TMEM132E: variants seen among roughly 807,000 people sequenced by gnomAD.
The protein encoded by TMEM132E is transmembrane protein 132E.
Under a neutral mutation model 78.5 loss-of-function variants are expected in TMEM132E, and 49 were observed. That is an observed-to-expected ratio of 0.62 (90% CI 0.50 to 0.79). TMEM132E has a LOEUF of 0.79. Ranked by LOEUF, TMEM132E falls within the 30% of genes least tolerant of loss-of-function variation. The pLI is 0.00. For synonymous variants in TMEM132E, 715 were observed against 670.6 expected (o/e 1.07, Z -1.02); for missense variants, 1,403 against 1,470.9 (o/e 0.95, Z 0.75).
chr17:34,586,214 A>G (rs1007869654), intron 1 of TMEM132E, among the ~76,000 whole-genome samples: 13 of 152,062 alleles, frequency 8.5e-5, no homozygotes, highest in African/African-American at 2.9e-4. Flanking sequence ...TTTCCTCCCC[A>G]GGGTCTTCCT....
Position 34,629,679 on chromosome 17 carries a change from C to T in TMEM132E, c.1339-329C>T, listed in dbSNP as rs530301521. Among the ~76,000 whole-genome samples, 13 of 152,256 alleles carry T rather than the reference C, an allele frequency of 8.5e-5. No individual in the cohort carries two copies. In the East Asian group the frequency reaches 2.3e-3, roughly 27 times the overall value. ...GGCCAGCCCAGGGCAGCTTGAATAG[C>T]CAGGCATGTGTTGGATGTTACTGTG... On this transcript the variant is annotated intron_variant, in intron 4 of 8. Transcript: ENST00000631683.
intron 4 of TMEM132E, 22 bp from the exon 5 acceptor site, chr17:34,629,986 C>G (rs768610873): frequency 1.9e-6 from 3 of 1,586,222 alleles, no homozygotes; most frequent in Admixed American, 3.4e-5. Flanking sequence ...CAAGTAGAGC[C>G]CCCCCCTTCT....
chr17:34,624,507 G>A lies in TMEM132E; in HGVS notation c.68-1620G>A, dbSNP rs532647278. On this transcript the variant is annotated intron_variant, in intron 1 of 8. Transcript: ENST00000631683. The stretch of plus-strand genomic sequence containing the variant: ...GAGGGCACATCTTGGAGGGCTTCAT[G>A]AAGGAGGTGGCATTGAAGCTGGACC... Among the ~76,000 whole-genome samples the A allele has an allele frequency of 2.6e-5, 4 of 152,352 alleles. No individual in the cohort carries two copies. The East Asian group carries it at 5.8e-4, about 22-fold the overall frequency.
intron 1 of TMEM132E, among the ~76,000 whole-genome samples, chr17:34,607,385 C>G (rs73284052): frequency 0.033 from 4,979 of 152,212 alleles, 240 homozygotes; most frequent in African/African-American, 0.1. Flanking sequence ...GGGGAGGACC[C>G]CTATTCTTCC....
intron 1 of TMEM132E, among the ~76,000 whole-genome samples, chr17:34,585,638 ACTC>A (rs1374886348): frequency 4.1e-4 from 61 of 149,584 alleles, no homozygotes; most frequent in African/African-American, 1.4e-3. Flanking sequence ...TCTGCCCCAG[ACTC>A]CTCAACAGAT....
intron 1 of TMEM132E, among the ~76,000 whole-genome samples, chr17:34,616,221 C>T (rs1183041545): frequency 6.6e-6 from 1 of 152,106 alleles, no homozygotes; most frequent in African/African-American, 2.4e-5. Flanking sequence ...GGAGGGGATT[C>T]AGGGCAAAGT....
intron 6 of TMEM132E, 98 bp downstream of exon 6, chr17:34,633,007 A>G (rs1251902798): frequency 2.2e-6 from 3 of 1,341,458 alleles, no homozygotes; most frequent in African/African-American, 1.4e-5. Flanking sequence ...GGCCCTTGGT[A>G]TACATAGTCT....
At chr17:34,591,251 T>C (rs1243003875) in intron 1 of TMEM132E, among the ~76,000 whole-genome samples, 3 of 151,484 alleles carry the variant, frequency 2.0e-5, no homozygotes, top group Non-Finnish European at 2.9e-5. Context: ...CAGTCAGGAG[T>C]TCTGAAGAAT....
intron 1 of TMEM132E, among the ~76,000 whole-genome samples, chr17:34,598,351 G>A (rs1240177056): frequency 6.6e-6 from 1 of 152,270 alleles, no homozygotes; most frequent in Non-Finnish European, 1.5e-5. Flanking sequence ...CACAGTGGGG[G>A]AGACAGTCCC....
chr17:34,623,735 G>A (rs1473417655), intron 1 of TMEM132E, among the ~76,000 whole-genome samples: 1 of 152,238 alleles, frequency 6.6e-6, no homozygotes, highest in African/African-American at 2.4e-5. Flanking sequence ...GAGAGGGCTT[G>A]CACTTGAGTC....
In TMEM132E at chr17:34,637,162, C is replaced by T; in HGVS notation, c.2170-15C>T. 1.3e-6 allele frequency: 2 copies of T among 1,585,264 alleles called. No individual in the cohort carries two copies. Among genetic ancestry groups the T allele is most frequent in the East Asian group, 2.3e-5 (1 of 44,384 alleles). On this transcript the variant is annotated splice_polypyrimidine_tract_variant and intron_variant, in intron 8 of 8. Transcript: ENST00000631683. ...GCTCTTTGACTCCTATCCCCTCCTT[C>T]TCCTTCTCCTCCAGGAAGCCCTACT...
chr17:34,638,201 A>G lies in TMEM132E; in HGVS notation c.3194A>G (p.Asn1065Ser), dbSNP rs1369651398. ...TRPTAPPDLH[N>S]YMRRIKEIA ...CCCACTGCACCCCCGGACCTGCACA[A>G]TTACATGCGCAGAATCAAAGAGATT... is the stretch of plus-strand genomic sequence containing the variant. The change falls in exon 9 of 9, where the codon AAT becomes AGT. Residue 1065 changes from asparagine (N) to serine (S), a missense_variant. By Grantham distance (46) the Asn-to-Ser change is conservative. Around this residue, in one of 3 missense-constraint regions of TMEM132E, gnomAD observed 888 missense variants for 952.8 expected, o/e 0.93. Coordinates refer to ENST00000631683, the MANE Select transcript of TMEM132E (RefSeq NM_001304438.2). 2 of 1,602,540 alleles carry G rather than the reference A, an allele frequency of 1.2e-6. No individual in the cohort carries two copies. Among genetic ancestry groups the G allele is most frequent in the Admixed American group, 1.7e-5 (1 of 58,318 alleles).
chr17:34,603,674 C>T (rs1484722565), intron 1 of TMEM132E, among the ~76,000 whole-genome samples: 1 of 152,154 alleles, frequency 6.6e-6, no homozygotes, highest in Non-Finnish European at 1.5e-5. Context: ...CTCCTCTGGC[C>T]AGCTCTTCCC....
chr17:34,629,718 G>T (rs992724939), intron 4 of TMEM132E, among the ~76,000 whole-genome samples: 1 of 152,180 alleles, frequency 6.6e-6, no homozygotes, highest in Non-Finnish European at 1.5e-5. Flanking sequence ...GTCCTGAGGA[G>T]CCTGGAAGCT....
rs767815715 is a variant in TMEM132E, at chr17:34,638,432, C to T, written c.*200C>T. ...GCCTCACGCCATTACCCTCTTCTGCCCCCTGCAGGTGGAGGGCTCTTCCTC... is the reference window on the plus strand; with the variant it reads ...GCCTCACGCCATTACCCTCTTCTGCTCCCTGCAGGTGGAGGGCTCTTCCTC... On this transcript the variant is annotated 3_prime_UTR_variant, in exon 9 of 9. Coordinates refer to ENST00000631683, the MANE Select transcript of TMEM132E (RefSeq NM_001304438.2). 56 of 538,588 alleles carry T rather than the reference C, an allele frequency of 1.0e-4. No individual in the cohort carries two copies. Among genetic ancestry groups the T allele is most frequent in the Admixed American group, 2.2e-4 (6 of 27,558 alleles). The allele number at this position is 538,588 out of a possible 1,614,324, so 33.4% of individuals were successfully genotyped here.
rs147570260 is a variant in TMEM132E at position 34,637,307 on chromosome 17, G to C, written c.2300G>C (p.Arg767Pro). 1.2e-6 allele frequency: 2 copies of C among 1,614,154 alleles called. No individual in the cohort carries two copies. Among genetic ancestry groups the C allele is most frequent in the East Asian group, 2.2e-5 (1 of 44,888 alleles). The stretch of plus-strand genomic sequence containing the variant: ...CATGTGGCCACTGTGACCCAGGACC[G>C]GGCCTTCCCTCTGGTAGTGGCTGAG... ...DEHVATVTQD[R>P]AFPLVVAEAE... The change falls in exon 9 of 9, where the codon CGG (arginine) becomes CCG (proline). Residue 767 changes from arginine to proline, a missense_variant. By Grantham distance (103) the Arg-to-Pro change is moderately radical. This residue lies in a region of TMEM132E where 888 missense variants were observed against 952.8 expected (regional missense o/e 0.93). Transcript: ENST00000631683.
In TMEM132E at chr17:34,613,223, G is replaced by GCGCGCA. The variant is rs1906667732; in HGVS notation, c.68-12900_68-12899insCACGCG. Among the ~76,000 whole-genome samples, 5 of 148,430 alleles carry GCGCGCA rather than the reference G, an allele frequency of 3.4e-5. No homozygotes were observed. In the Admixed American group the frequency reaches 3.5e-4, roughly 10 times the overall value. On this transcript the variant is annotated intron_variant, in intron 1 of 8. Coordinates refer to ENST00000631683, the MANE Select transcript of TMEM132E (RefSeq NM_001304438.2). ...CACACACACACACACGCGCGCGCGC[G>GCGCGCA]CGCGTTCTTACATTCTTTTTCCGTT...
rs147547784 is a variant in TMEM132E, at chr17:34,610,085, T to C, written c.68-16042T>C. The stretch of plus-strand genomic sequence containing the variant: ...AAGATCTTACTACTCAAATGACTCC[T>C]GCCCCTGAAAGCCTTTCTTTTGTGG... On this transcript the variant is annotated intron_variant, in intron 1 of 8. Transcript: ENST00000631683. Among the ~76,000 whole-genome samples the C allele has an allele frequency of 2.3e-4, 35 of 150,728 alleles. No individual in the cohort carries two copies. The East Asian group carries it at 6.3e-3, about 27-fold the overall frequency.
At chr17:34,626,023 T>C in intron 1 of TMEM132E, 104 bp from the exon 2 acceptor site, 2 of 1,096,086 alleles carry the variant, frequency 1.8e-6, no homozygotes, top group Non-Finnish European at 2.5e-6. Context: ...CTAGAGGAGT[T>C]GGCAGCCCTC....
Sources: allele counts gnomAD v4.1 joint callset (sites outside exome capture counted in the v4.1 genomes callset), GRCh38; gene constraint gnomAD v4.1.1; regional missense constraint gnomAD v4.1.1; transcripts MANE v1.5; gene names NCBI Gene and HGNC (gene_info 2026-07-23, HGNC 2026-07-21).